GAREM2: variants seen among roughly 807,000 people sequenced by gnomAD.
GAREM2 encodes GRB2-associated and regulator of MAPK protein 2.
GAREM2 carries 30 observed loss-of-function variants against 55.6 expected under a neutral mutation model. The observed-to-expected ratio is 0.54, with a 90% CI of 0.40 to 0.73. GAREM2 has a LOEUF of 0.73. Ranked by LOEUF, GAREM2 falls within the 30% of genes least tolerant of loss-of-function variation. GAREM2 has a pLI of 0.00. For missense variants in GAREM2, 1,075 were observed against 1,257.7 expected (o/e 0.85, Z 2.20); for synonymous variants, 550 against 569.1 (o/e 0.97, Z 0.48).
the GAREM2 span, chr2:26,204,237 TA>T: frequency 4.4e-6 from 7 of 1,598,740 alleles, no homozygotes; most frequent in East Asian, 1.1e-4. Context: ...AAACTGATCT[TA>T]ATCATTTCAG....
chr2:26,183,466 G>A (rs1669122029), intron 3 of GAREM2, among the ~76,000 whole-genome samples: 1 of 152,206 alleles, frequency 6.6e-6, no homozygotes, highest in African/African-American at 2.4e-5. Flanking sequence ...GCTCATGCCT[G>A]TAATCCCAAC....
intron 1 of GAREM2, among the ~76,000 whole-genome samples, chr2:26,175,725 C>G (rs1668843803): frequency 6.6e-6 from 1 of 152,202 alleles, no homozygotes; most frequent in Admixed American, 6.5e-5. Context: ...TGTCATTCTC[C>G]TGACCTGAGC....
At chr2:26,189,878 TC>T (rs558949816), downstream of GAREM2, among the ~76,000 whole-genome samples, 420 of 152,266 alleles carry the variant, frequency 2.8e-3, 2 homozygotes, top group African/African-American at 9.8e-3. Context: ...CACCCCAGCT[TC>T]CACTAGTTTC....
At chr2:26,201,769 G>A in the GAREM2 span, among the ~76,000 whole-genome samples, 3 of 151,568 alleles carry the variant, frequency 2.0e-5, no homozygotes, top group Non-Finnish European at 2.9e-5. Context: ...ATAATTTTAT[G>A]TTATTCTGTA....
chr2:26,193,820 C>T (rs776121455), downstream of GAREM2: 5 of 1,461,660 alleles, frequency 3.4e-6, no homozygotes, highest in Non-Finnish European at 4.8e-6. Context: ...CAGCCCAAAT[C>T]CCCCCAAAGG....
At chr2:26,190,121 C>T (rs186816956), downstream of GAREM2, among the ~76,000 whole-genome samples, 155 of 152,308 alleles carry the variant, frequency 1.0e-3, 1 homozygote, top group African/African-American at 3.6e-3. Flanking sequence ...GTCTGGCTTC[C>T]TAGTGACCAA....
chr2:26,202,472 G>A, the GAREM2 span, among the ~76,000 whole-genome samples: 1 of 152,214 alleles, frequency 6.6e-6, no homozygotes. Flanking sequence ...TGGGCATGGT[G>A]GCTCACATCT....
intron 2 of GAREM2, chr2:26,182,037 A>G (rs1669067375): frequency 1.0e-6 from 1 of 1,003,236 alleles, no homozygotes; most frequent in African/African-American, 1.7e-5. Flanking sequence ...TCCCTCACCT[A>G]TTCATGGCTC....
At chr2:26,190,346 C>T, downstream of GAREM2, among the ~76,000 whole-genome samples, 1 of 151,270 alleles carries the variant, frequency 6.6e-6, no homozygotes. Flanking sequence ...TTTACCCAGA[C>T]TGGGCACTGC....
At chr2:26,173,548 C>A (rs1668766996) in intron 1 of GAREM2, among the ~76,000 whole-genome samples, 1 of 151,820 alleles carries the variant, frequency 6.6e-6, no homozygotes, top group Non-Finnish European at 1.5e-5. Context: ...GGCACAGACA[C>A]CGGGGACAGG....
rs533829019 is a variant in GAREM2 at position 26,188,004 on chromosome 2, G to A, written c.2372G>A (p.Gly791Asp). The change falls in exon 6 of 6, where the codon GGC becomes GAC. Residue 791 changes from glycine to aspartate, a missense_variant. Physicochemically the swap from Gly to Asp is moderately conservative, Grantham distance 94. This residue lies in a region of GAREM2 where 142 missense variants were observed against 172.3 expected (regional missense o/e 0.82). Transcript: ENST00000401533. ...PPASPRDGAT[G>D]FGVRDASSWQ... ...GCCAGTCCCCGGGATGGAGCCACAG[G>A]CTTTGGAGTCCGAGATGCCTCCTCC... is the stretch of plus-strand genomic sequence containing the variant. 16 of 1,482,854 alleles carry A rather than the reference G, an allele frequency of 1.1e-5. No individual in the cohort carries two copies. Among genetic ancestry groups the A allele is most frequent in the African/African-American group, 1.4e-5 (1 of 71,024 alleles). 91.9% of individuals were successfully genotyped at this position (1,482,854 alleles called of 1,614,324 possible). A position where few individuals can be genotyped will look rare whatever the true frequency, so the allele number is the denominator to read the frequency against.
downstream of GAREM2, chr2:26,194,485 G>T: frequency 3.4e-6 from 3 of 876,146 alleles, no homozygotes; most frequent in Admixed American, 3.6e-5. Flanking sequence ...TCAGAAGGAA[G>T]CTTGGTCCTT....
intron 1 of GAREM2, among the ~76,000 whole-genome samples, chr2:26,175,393 A>T (rs1022907446): frequency 1.2e-4 from 19 of 152,120 alleles, no homozygotes; most frequent in Admixed American, 1.2e-3. Context: ...CCCAGGCCCC[A>T]GGGCTGGGCC....
Position 26,188,203 on chromosome 2 carries a change from G to T in GAREM2, c.2571G>T (p.Lys857Asn), listed in dbSNP as rs879353735. The T allele has an allele frequency of 6.5e-7, 1 of 1,530,806 alleles. No homozygotes were observed. Among genetic ancestry groups the T allele is most frequent in the Non-Finnish European group, 8.8e-7 (1 of 1,134,408 alleles). 94.8% of individuals were successfully genotyped at this position (1,530,806 alleles called of 1,614,324 possible). The part of the protein sequence containing the change: ...DILADDFHLT[K>N]LQVKKIMQFI... ...TGGCAGATGACTTCCACCTCACCAA[G>T]CTGCAGGTCAAGAAGATCATGCAGT... The change falls in exon 6 of 6, where the codon AAG (lysine) becomes AAT (asparagine). Residue 857 changes from lysine to asparagine, a missense_variant. Lys to Asn is a moderately conservative substitution (Grantham distance 94). Coordinates refer to ENST00000401533, the MANE Select transcript of GAREM2 (RefSeq NM_001168241.2).
At chr2:26,175,665 G>A (rs1668842441) in intron 1 of GAREM2, among the ~76,000 whole-genome samples, 1 of 152,196 alleles carries the variant, frequency 6.6e-6, no homozygotes, top group Non-Finnish European at 1.5e-5. Context: ...GCAGTGGGTG[G>A]AAAGGAAGGG....
intron 2 of GAREM2, 27 bp from the exon 3 acceptor site, chr2:26,182,940 C>T: frequency 1.3e-6 from 2 of 1,550,268 alleles, no homozygotes; most frequent in Non-Finnish European, 1.7e-6. Context: ...AGGCCCACTC[C>T]AGCAACTTTT....
the GAREM2 span, chr2:26,201,415 C>T: frequency 8.5e-6 from 7 of 819,860 alleles, no homozygotes; most frequent in Admixed American, 1.4e-4. Flanking sequence ...TTTTCACCAA[C>T]TCTGTGAGGT....
At chr2:26,196,995 GAATA>G in the GAREM2 span, among the ~76,000 whole-genome samples, 1 of 152,332 alleles carries the variant, frequency 6.6e-6, no homozygotes, top group East Asian at 1.9e-4. Context: ...AGAAGAGTAG[GAATA>G]AATAGGCTTT....
At chr2:26,193,293 CTTTTT>C (rs370942158), downstream of GAREM2, among the ~76,000 whole-genome samples, 1 of 115,164 alleles carries the variant, frequency 8.7e-6, no homozygotes, top group Non-Finnish European at 1.7e-5. Flanking sequence ...CACATGACAT[CTTTTT>C]TTTTTTTTTT....
Sources: gnomAD v4.1 joint callset for allele counts (sites outside exome capture counted in the v4.1 genomes callset) on GRCh38, gnomAD v4.1.1 for gene constraint, gnomAD v4.1.1 regional missense constraint, MANE v1.5 for transcripts, NCBI Gene and HGNC (gene_info 2026-07-23, HGNC 2026-07-21) for gene names.